The following CACNB2 variants were observed in gnomAD, a reference collection of about 807,000 sequenced individuals.
CACNB2 encodes the protein voltage-dependent L-type calcium channel subunit beta-2.
A neutral mutation model predicts 73.3 loss-of-function variants in CACNB2; 42 were observed. The ratio of observed to expected loss-of-function variants is 0.57; its 90% CI spans 0.45 to 0.74. The LOEUF (loss-of-function observed/expected upper bound fraction) is 0.74, where lower values mean the gene tolerates loss of function less well. CACNB2 is among the 30% of genes least tolerant of loss of function. The pLI, the probability that CACNB2 is intolerant of heterozygous loss-of-function variation, is 0.00. For missense variants in CACNB2, 940 were observed against 853.0 expected (o/e 1.10, Z -1.27); for synonymous variants, 348 against 310.3 (o/e 1.12, Z -1.28).
chr10:18,289,824 T>C (rs908793506), intron 2 of CACNB2, among the ~76,000 whole-genome samples: 1 of 152,126 alleles, frequency 6.6e-6, no homozygotes, highest in South Asian at 2.1e-4. Context: ...AATATGTTTT[T>C]TGAGGAGTCC....
intron 3 of CACNB2, among the ~76,000 whole-genome samples, chr10:18,479,518 G>C (rs902827955): frequency 6.6e-6 from 1 of 152,156 alleles, no homozygotes; most frequent in Non-Finnish European, 1.5e-5. Context: ...GATAGTACAT[G>C]ATATGGTTTG....
intron 3 of CACNB2, among the ~76,000 whole-genome samples, chr10:18,482,222 A>G (rs147406971): frequency 5.4e-4 from 83 of 152,318 alleles, no homozygotes; most frequent in African/African-American, 2.0e-3. Flanking sequence ...TAACTGAGAT[A>G]TATTTAAGCA....
intron 5 of CACNB2, among the ~76,000 whole-genome samples, chr10:18,502,307 C>CA (rs34086285): frequency 0.61 from 89,771 of 147,724 alleles, 27,950 homozygotes; most frequent in East Asian, 0.97. Flanking sequence ...GACTCTATCT[C>CA]AAAAAAAAAA....
intron 2 of CACNB2, among the ~76,000 whole-genome samples, chr10:18,239,050 C>A (rs2036552573): frequency 6.6e-6 from 1 of 152,030 alleles, no homozygotes; most frequent in East Asian, 1.9e-4. Context: ...AAAATCTTTT[C>A]AGTGGGGGCA....
At chr10:18,415,149 G>A (rs755702138) in intron 3 of CACNB2, among the ~76,000 whole-genome samples, 3 of 152,182 alleles carry the variant, frequency 2.0e-5, no homozygotes, top group Non-Finnish European at 4.4e-5. Context: ...GTATCACTGA[G>A]TAATGTGGTA....
intron 2 of CACNB2, among the ~76,000 whole-genome samples, chr10:18,278,840 A>T (rs1206977210): frequency 6.6e-6 from 1 of 151,868 alleles, no homozygotes; most frequent in Non-Finnish European, 1.5e-5. Flanking sequence ...ACATGATGAG[A>T]CCCCTACTCT....
At chr10:18,376,339 C>A (rs1020527804) in intron 2 of CACNB2, among the ~76,000 whole-genome samples, 2 of 151,866 alleles carry the variant, frequency 1.3e-5, no homozygotes, top group Non-Finnish European at 2.9e-5. Context: ...AAGCATGTAC[C>A]AGAGACTGGG....
rs61545603 is a variant in CACNB2, at chr10:18,150,818, C to T, written c.121-65C>T. 0.085 allele frequency: 87,456 copies of T among 1,031,116 alleles called. 4,315 individuals carry two copies. The highest frequency in any genetic ancestry group is 0.11 in the East Asian group (3,960 of 35,714). 63.9% of individuals were successfully genotyped at this position (1,031,116 alleles called of 1,614,324 possible). A position where few individuals can be genotyped will look rare whatever the true frequency, so the allele number is the denominator to read the frequency against. ...TTGACATTTTCTGCAACTAGGCCTACATTCCTGTTAAAGGGTCTCATAATA... is the reference window on the plus strand; with the variant it reads ...TTGACATTTTCTGCAACTAGGCCTATATTCCTGTTAAAGGGTCTCATAATA... On this transcript the variant is annotated intron_variant, in intron 1 of 13. Transcript: ENST00000324631.
intron 2 of CACNB2, among the ~76,000 whole-genome samples, chr10:18,358,040 G>C (rs138635322): frequency 6.6e-5 from 10 of 152,316 alleles, no homozygotes; most frequent in African/African-American, 2.4e-4. Context: ...AAACGAATGA[G>C]TGAATGGAAA....
At chr10:18,229,731 T>C (rs12265913) in intron 2 of CACNB2, among the ~76,000 whole-genome samples, 7,158 of 152,216 alleles carry the variant, frequency 0.047, 594 homozygotes, top group African/African-American at 0.16. Flanking sequence ...ATTCATATAT[T>C]TATAGGTTGG....
chr10:18,403,432 G>C (rs4536107), intron 3 of CACNB2, among the ~76,000 whole-genome samples: 1 of 152,254 alleles, frequency 6.6e-6, no homozygotes, highest in Non-Finnish European at 1.5e-5. Flanking sequence ...AAAAACTACA[G>C]TTTGTATTCC....
intron 2 of CACNB2, among the ~76,000 whole-genome samples, chr10:18,180,763 G>A (rs748988117): frequency 8.6e-4 from 131 of 152,122 alleles, no homozygotes; most frequent in Non-Finnish European, 1.6e-3. Context: ...TCAGGAGATC[G>A]AGACCATCCT....
At chr10:18,495,984 G>A (rs1015622307) in intron 3 of CACNB2, among the ~76,000 whole-genome samples, 7 of 151,666 alleles carry the variant, frequency 4.6e-5, no homozygotes, top group Non-Finnish European at 7.4e-5. Flanking sequence ...GATGTCATTC[G>A]AGACCAGCCT....
chr10:18,289,530 G>C (rs542272222), intron 2 of CACNB2, among the ~76,000 whole-genome samples: 1 of 151,894 alleles, frequency 6.6e-6, no homozygotes, highest in African/African-American at 2.4e-5. Flanking sequence ...TCCTGACCTC[G>C]TGATCTGCCC....
intron 2 of CACNB2, among the ~76,000 whole-genome samples, chr10:18,245,813 T>TG (rs1564373198): frequency 6.6e-6 from 1 of 152,086 alleles, no homozygotes; most frequent in Non-Finnish European, 1.5e-5. Context: ...GGTGAAGGTA[T>TG]GGGGTGGGAA....
intron 2 of CACNB2, among the ~76,000 whole-genome samples, chr10:18,213,206 C>G (rs1289987680): frequency 2.1e-4 from 32 of 152,148 alleles, no homozygotes. Context: ...TTATAAGGGT[C>G]CTGCGCCTTG....
At position 18,416,095 on chromosome 10, in the gene CACNB2, C is replaced by T. The variant is rs1273470926; in HGVS notation, c.333+14052C>T. Among the ~76,000 whole-genome samples the T allele has an allele frequency of 4.6e-5, 7 of 152,228 alleles. 1 individual carries two copies. The highest frequency in any genetic ancestry group is 4.6e-4 in the Admixed American group (7 of 15,286). On this transcript the variant is annotated intron_variant, in intron 3 of 13. Coordinates refer to ENST00000324631, the MANE Select transcript of CACNB2 (RefSeq NM_201596.3). Reference sequence around the variant, plus strand: ...CTGCTGTCAAACACTGAATTGATTCCTTCCATCTTACTGTATGTTTGTACC... The same window carrying T: ...CTGCTGTCAAACACTGAATTGATTCTTTCCATCTTACTGTATGTTTGTACC...
chr10:18,168,349 A>G (rs1209481667), intron 2 of CACNB2, among the ~76,000 whole-genome samples: 2 of 152,208 alleles, frequency 1.3e-5, no homozygotes, highest in Admixed American at 1.3e-4. Context: ...TAAACCAACT[A>G]GTAGGAGAAG....
chr10:18,434,681 A>G (rs1314746354), intron 3 of CACNB2, among the ~76,000 whole-genome samples: 1 of 152,198 alleles, frequency 6.6e-6, no homozygotes, highest in African/African-American at 2.4e-5. Context: ...GGTTATAGGC[A>G]TGAGTCATTG....
Sources: gnomAD v4.1 joint callset for allele counts (sites outside exome capture counted in the v4.1 genomes callset) on GRCh38, gnomAD v4.1.1 for gene constraint, MANE v1.5 for transcripts, NCBI Gene and HGNC (gene_info 2026-07-23, HGNC 2026-07-21) for gene names.